YTHDF3: variants seen among roughly 807,000 people sequenced by gnomAD.
YTHDF3 encodes YTH domain-containing family protein 3.
A neutral mutation model predicts 52.5 loss-of-function variants in YTHDF3; 9 were observed. That is an observed-to-expected ratio of 0.17 (90% confidence interval 0.10 to 0.30). YTHDF3 has a LOEUF of 0.30. Among genes scored for constraint, YTHDF3 ranks in the 10% least tolerant of loss-of-function variants. YTHDF3 has a pLI of 1.00. For missense variants in YTHDF3, 534 were observed against 715.0 expected, an observed-to-expected ratio of 0.75 and a Z score of 2.89; for synonymous variants, 274 against 243.3, an observed-to-expected ratio of 1.13 and a Z score of -1.18.
chr8:63,190,924 A>G (rs1808872087), intron 4 of YTHDF3, among the ~76,000 whole-genome samples: 3 of 152,090 alleles, frequency 2.0e-5, no homozygotes, highest in South Asian at 2.1e-4. Context: ...TGACAGCTCT[A>G]TTTTGAACCT....
At chr8:63,195,763 T>TGTGTGTGA (rs538654034) in intron 4 of YTHDF3, among the ~76,000 whole-genome samples, 1 of 149,252 alleles carries the variant, frequency 6.7e-6, no homozygotes, top group African/African-American at 2.5e-5. Context: ...TGTGTGTGTG[T>TGTGTGTGA]GACCCTGGGC....
At chr8:63,196,939 C>T (rs1404089239) in intron 4 of YTHDF3, among the ~76,000 whole-genome samples, 1 of 152,124 alleles carries the variant, frequency 6.6e-6, no homozygotes, top group Non-Finnish European at 1.5e-5. Flanking sequence ...GAACAAATAT[C>T]TCTCAGCAGG....
At chr8:63,199,854 T>C (rs940517414) in intron 4 of YTHDF3, among the ~76,000 whole-genome samples, 4 of 152,166 alleles carry the variant, frequency 2.6e-5, no homozygotes, top group Non-Finnish European at 5.9e-5. Flanking sequence ...GGGAAAGATA[T>C]CACAGCTCCA....
chr8:63,193,918 T>C (rs1483767243), intron 4 of YTHDF3, among the ~76,000 whole-genome samples: 1 of 152,206 alleles, frequency 6.6e-6, no homozygotes, highest in East Asian at 1.9e-4. Context: ...CAGTTTTGTA[T>C]TTTCCTGTAA....
At position 63,187,101 on chromosome 8, in the gene YTHDF3, T is replaced by C; in HGVS notation, c.1090T>C (p.Phe364Leu). 2 of 1,613,858 alleles carry C rather than the reference T, an allele frequency of 1.2e-6. No homozygotes were observed. Among genetic ancestry groups the C allele is most frequent in the Non-Finnish European group, 1.7e-6 (2 of 1,179,848 alleles). ...AGCTCCTCGTAACAGGGGAGCAGGC[T>C]TCAACCAGAACAATGGAGCGGGCAG... is the stretch of plus-strand genomic sequence containing the variant. ...WVAPRNRGAG[F>L]NQNNGAGSEN... The change falls in exon 4 of 5, where the codon TTC becomes CTC. Residue 364 changes from phenylalanine (F) to leucine (L), a missense_variant. By Grantham distance (22) the Phe-to-Leu change is conservative (BLOSUM62 0). Transcript: ENST00000539294.
chr8:63,207,810 T>C (rs993899129), intron 4 of YTHDF3, among the ~76,000 whole-genome samples: 2 of 152,312 alleles, frequency 1.3e-5, no homozygotes, highest in East Asian at 3.9e-4. Context: ...ACTTATTTTA[T>C]GGGGAGAATG....
At chr8:63,173,575 C>A in intron 2 of YTHDF3, 1 of 774,426 alleles carries the variant, frequency 1.3e-6, no homozygotes, top group Non-Finnish European at 1.6e-6. Context: ...CAAATACTGA[C>A]TAACATGTAT....
At chr8:63,199,457 C>T (rs1039123923) in intron 4 of YTHDF3, among the ~76,000 whole-genome samples, 3 of 152,128 alleles carry the variant, frequency 2.0e-5, no homozygotes, top group African/African-American at 7.2e-5. Context: ...CAGTTCACAC[C>T]AGTGTTGTTG....
intron 4 of YTHDF3, among the ~76,000 whole-genome samples, chr8:63,191,567 A>G (rs1808913868): frequency 6.6e-6 from 1 of 152,154 alleles, no homozygotes; most frequent in South Asian, 2.1e-4. Flanking sequence ...TGCTTTCTGT[A>G]CTTAATGTTT....
intron 4 of YTHDF3, among the ~76,000 whole-genome samples, chr8:63,201,349 G>A (rs1020929881): frequency 6.6e-6 from 1 of 151,936 alleles, no homozygotes; most frequent in Admixed American, 6.6e-5. Flanking sequence ...CATAGACCCT[G>A]TCTCTATATT....
intron 3 of YTHDF3, among the ~76,000 whole-genome samples, chr8:63,178,846 A>G (rs996745938): frequency 6.6e-6 from 1 of 152,202 alleles, no homozygotes; most frequent in Non-Finnish European, 1.5e-5. Context: ...AAATAGTGCT[A>G]TTATAACAGA....
rs185964550 is a variant in YTHDF3, at chr8:63,209,164, G to T, written c.1735-519G>T. 7.6e-3 allele frequency among the ~76,000 whole-genome samples: 1,154 copies of T among 152,232 alleles called. 10 individuals are homozygous for T. The highest frequency in any genetic ancestry group is 0.013 in the Non-Finnish European group (908 of 68,010). On this transcript the variant is annotated intron_variant, in intron 4 of 4. Coordinates refer to ENST00000539294, the MANE Select transcript of YTHDF3 (RefSeq NM_152758.6). ...ATTACAGGCATGAGCCACTGCGCCCGGCCTCATGTTACTTTTTAATGTGAA... is the reference window on the plus strand; with the variant it reads ...ATTACAGGCATGAGCCACTGCGCCCTGCCTCATGTTACTTTTTAATGTGAA...
At chr8:63,206,389 A>T (rs754325595) in intron 4 of YTHDF3, among the ~76,000 whole-genome samples, 1 of 152,086 alleles carries the variant, frequency 6.6e-6, no homozygotes, top group Non-Finnish European at 1.5e-5. Flanking sequence ...TGCCTGCTCC[A>T]AACTTCATTC....
chr8:63,201,379 A>G (rs998433509), intron 4 of YTHDF3, among the ~76,000 whole-genome samples: 1 of 152,200 alleles, frequency 6.6e-6, no homozygotes, highest in Admixed American at 6.5e-5. Flanking sequence ...AAATAAATAA[A>G]TAAAAATTTA....
intron 4 of YTHDF3, among the ~76,000 whole-genome samples, chr8:63,203,317 T>A (rs1809767202): frequency 6.6e-6 from 1 of 151,960 alleles, no homozygotes; most frequent in East Asian, 1.9e-4. Context: ...AACACTTTTA[T>A]CCTCATAAAC....
In YTHDF3 at chr8:63,173,200, ATT is replaced by A. The variant is rs1563391630; in HGVS notation, c.50-2129_50-2128del. Among the ~76,000 whole-genome samples the A allele has an allele frequency of 1.7e-3, 247 of 143,320 alleles. 5 individuals carry two copies. The highest frequency in any genetic ancestry group is 6.7e-3 in the African/African-American group (235 of 35,172). 94.0% of individuals were successfully genotyped at this position (143,320 alleles called of 152,430 possible). A position where few individuals can be genotyped will look rare whatever the true frequency, so the allele number is the denominator to read the frequency against. ...AAAAAAATAAGAATAACAGGATTAT[ATT>A]TATATATATATACAGATAAATTTTA... On this transcript the variant is annotated intron_variant, in intron 2 of 4. Transcript: ENST00000539294.
intron 4 of YTHDF3, among the ~76,000 whole-genome samples, chr8:63,188,097 A>G (rs1808648977): frequency 2.0e-5 from 3 of 152,112 alleles, no homozygotes; most frequent in Admixed American, 2.0e-4. Flanking sequence ...TAATCATACT[A>G]ACATAGGAGA....
intron 4 of YTHDF3, among the ~76,000 whole-genome samples, chr8:63,191,347 G>A (rs1320812927): frequency 6.6e-6 from 1 of 151,982 alleles, no homozygotes; most frequent in East Asian, 1.9e-4. Context: ...TGGAGGATTT[G>A]AATTTTCCTG....
At chr8:63,209,056 C>T (rs551421814) in intron 4 of YTHDF3, among the ~76,000 whole-genome samples, 116 of 150,968 alleles carry the variant, frequency 7.7e-4, no homozygotes, top group African/African-American at 2.6e-3. Flanking sequence ...TTAGTAGAGA[C>T]GGGGTTTCAT....
Sources: allele counts gnomAD v4.1 joint callset (sites outside exome capture counted in the v4.1 genomes callset), GRCh38; gene constraint gnomAD v4.1.1; transcripts MANE v1.5; gene names NCBI Gene and HGNC (gene_info 2026-07-23, HGNC 2026-07-21).